Variants in MIB1 observed in about 807,000 individuals in gnomAD.
The protein encoded by MIB1 is E3 ubiquitin-protein ligase MIB1.
Under a neutral mutation model 124.5 loss-of-function variants are expected in MIB1, and 278 were observed. The observed-to-expected ratio is 2.23, with a 90% confidence interval of 2.02 to 2.47. The LOEUF (loss-of-function observed/expected upper bound fraction) is 2.47. MIB1 is among the 30% of genes most tolerant of loss of function. The pLI is 0.00. For missense variants in MIB1, 957 were observed against 1,254.4 expected (o/e 0.76, Z 3.58); for synonymous variants, 446 against 429.4 (o/e 1.04, Z -0.48).
intron 6 of MIB1, among the ~76,000 whole-genome samples, chr18:21,783,781 C>G (rs1032093547): frequency 4.0e-5 from 6 of 151,764 alleles, no homozygotes; most frequent in African/African-American, 1.5e-4. Flanking sequence ...AGGTCTCACT[C>G]TGTCATTCAG....
intron 1 of MIB1, among the ~76,000 whole-genome samples, chr18:21,724,668 G>A (rs2146360183): frequency 7.9e-6 from 1 of 127,150 alleles, no homozygotes; most frequent in African/African-American, 3.1e-5. Context: ...TTATGCCACT[G>A]CACTCCTGCC....
intron 1 of MIB1, among the ~76,000 whole-genome samples, chr18:21,713,377 C>T (rs1297417535): frequency 6.2e-5 from 9 of 145,500 alleles, no homozygotes; most frequent in Admixed American, 1.4e-4. Flanking sequence ...TTTGGGAGGC[C>T]GAGACAGGTG....
chr18:21,773,306 T>C (rs952098263), intron 3 of MIB1, among the ~76,000 whole-genome samples: 2 of 152,142 alleles, frequency 1.3e-5, no homozygotes, highest in Non-Finnish European at 2.9e-5. Flanking sequence ...CTTAAAGGAA[T>C]CTCTTTAAGA....
chr18:21,804,005 C>T lies in MIB1; in HGVS notation c.1470C>T (p.Val490=), dbSNP rs141701856. The change falls in exon 10 of 21, where the codon GTC becomes GTT. Residue 490 remains valine (V), a synonymous_variant. Coordinates refer to ENST00000261537, the MANE Select transcript of MIB1 (RefSeq NM_020774.4). ...TACTTTTGAAGCAAAACGTGGATGT[C>T]GAAGCAGAGGTAAGTAAACTTGAAA... The part of the protein sequence containing the change: ...LKLLLKQNVD[V]EAEDKDGDRA... 129 of 1,610,360 alleles carry T rather than the reference C, an allele frequency of 8.0e-5. No individual in the cohort carries two copies. The Middle Eastern group carries it at 1.4e-3, about 17-fold the overall frequency.
chr18:21,781,094 T>A (rs1353505931), intron 6 of MIB1, among the ~76,000 whole-genome samples: 1 of 151,842 alleles, frequency 6.6e-6, no homozygotes, highest in Non-Finnish European at 1.5e-5. Flanking sequence ...AAACTTTTTT[T>A]ATAGTAGAGA....
chr18:21,786,114 TG>T (rs781599067), intron 6 of MIB1, among the ~76,000 whole-genome samples: 1 of 152,016 alleles, frequency 6.6e-6, no homozygotes, highest in Non-Finnish European at 1.5e-5. Flanking sequence ...GTTTTTTTTT[TG>T]AGACAGAGTC....
rs2042328905 is a variant in MIB1 at position 21,867,484 on chromosome 18, T to C, written c.*2818T>C. On this transcript the variant is annotated 3_prime_UTR_variant, in exon 21 of 21. Coordinates refer to ENST00000261537, the MANE Select transcript of MIB1 (RefSeq NM_020774.4). ...CTTATACTATATACATATTTAATTTTGTTGGGAGCAAGAAGGTTTTCAAGA... is the reference window on the plus strand; with the variant it reads ...CTTATACTATATACATATTTAATTTCGTTGGGAGCAAGAAGGTTTTCAAGA... The C allele has an allele frequency of 6.6e-6, 1 of 152,598 alleles. No homozygotes were observed. Among genetic ancestry groups the C allele is most frequent in the Non-Finnish European group, 1.5e-5 (1 of 68,002 alleles). The allele number at this position is 152,598 out of a possible 1,614,324, so 9.5% of individuals were successfully genotyped here. A position where few individuals can be genotyped will look rare whatever the true frequency, so the allele number is the denominator to read the frequency against.
At chr18:21,861,599 C>G (rs994276930) in intron 20 of MIB1, among the ~76,000 whole-genome samples, 1 of 149,102 alleles carries the variant, frequency 6.7e-6, no homozygotes, top group Non-Finnish European at 1.5e-5. Context: ...TATCAAAACT[C>G]ATCTTATGAG....
At chr18:21,840,279 C>T (rs774680677) in intron 13 of MIB1, among the ~76,000 whole-genome samples, 5 of 151,656 alleles carry the variant, frequency 3.3e-5, no homozygotes, top group African/African-American at 7.3e-5. Context: ...TAAACAGCAA[C>T]TCAAATTAAG....
At chr18:21,753,708 C>T (rs2041000751) in intron 1 of MIB1, among the ~76,000 whole-genome samples, 1 of 151,716 alleles carries the variant, frequency 6.6e-6, no homozygotes, top group African/African-American at 2.4e-5. Flanking sequence ...TAGAATTTTG[C>T]TCTTGTTGCC....
intron 3 of MIB1, among the ~76,000 whole-genome samples, chr18:21,771,040 A>G (rs1284516744): frequency 1.3e-5 from 2 of 152,220 alleles, no homozygotes; most frequent in Non-Finnish European, 2.9e-5. Flanking sequence ...TGTATCATAT[A>G]AAGGGGCACA....
chr18:21,824,106 A>G (rs2041903894), intron 12 of MIB1, among the ~76,000 whole-genome samples: 1 of 152,194 alleles, frequency 6.6e-6, no homozygotes, highest in African/African-American at 2.4e-5. Context: ...ACAGGTAACA[A>G]TAATATAATT....
intron 7 of MIB1, among the ~76,000 whole-genome samples, chr18:21,795,276 TA>T (rs1204714643): frequency 1.4e-5 from 2 of 141,704 alleles, no homozygotes; most frequent in African/African-American, 5.2e-5. Flanking sequence ...TATATATATA[TA>T]AATATATATG....
chr18:21,730,180 C>T (rs1207625957), intron 1 of MIB1, among the ~76,000 whole-genome samples: 1 of 152,230 alleles, frequency 6.6e-6, no homozygotes, highest in Non-Finnish European at 1.5e-5. Context: ...TCAGTGTCTT[C>T]TTTGTTCCTG....
intron 1 of MIB1, among the ~76,000 whole-genome samples, chr18:21,708,609 A>G (rs2040651237): frequency 6.6e-6 from 1 of 152,180 alleles, no homozygotes; most frequent in Admixed American, 6.6e-5. Flanking sequence ...GTGAGCCAAG[A>G]GCATGCCACT....
rs2041314463 is a variant in MIB1, at chr18:21,778,188, G to C, written c.703+19G>C. ...GTGCTAGGTGAGTGAGAAGATTAGA[G>C]AGTATTACTAAATAATGGGTCAGAG... On this transcript the variant is annotated intron_variant, in intron 5 of 20. Transcript: ENST00000261537. 1 of 1,526,028 alleles carries C rather than the reference G, an allele frequency of 6.6e-7. No individual in the cohort carries two copies. Among genetic ancestry groups the C allele is most frequent in the Admixed American group, 1.7e-5 (1 of 59,376 alleles). 94.5% of individuals were successfully genotyped at this position (1,526,028 alleles called of 1,614,324 possible).
At chr18:21,763,247 T>A (rs187975138) in intron 1 of MIB1, among the ~76,000 whole-genome samples, 1 of 152,332 alleles carries the variant, frequency 6.6e-6, no homozygotes, top group East Asian at 1.9e-4. Flanking sequence ...AAGTAAATTC[T>A]TAAATCACAT....
intron 1 of MIB1, among the ~76,000 whole-genome samples, chr18:21,751,614 T>C (rs991771603): frequency 1.3e-5 from 2 of 152,192 alleles, no homozygotes; most frequent in Admixed American, 6.5e-5. Flanking sequence ...TTCTTTCTTA[T>C]TACTGCTGCT....
intron 10 of MIB1, among the ~76,000 whole-genome samples, chr18:21,812,950 A>C (rs1053517400): frequency 7.9e-5 from 12 of 152,186 alleles, no homozygotes; most frequent in Non-Finnish European, 1.5e-4. Context: ...CAGTTTTCTA[A>C]TTTAGAAGAG....
Sources: allele counts gnomAD v4.1 joint callset (sites outside exome capture counted in the v4.1 genomes callset), GRCh38; gene constraint gnomAD v4.1.1; transcripts MANE v1.5; gene names NCBI Gene and HGNC (gene_info 2026-07-23, HGNC 2026-07-21).